The following IFI44L variants were observed in gnomAD, a reference collection of about 807,000 sequenced individuals.
IFI44L encodes interferon induced protein 44 like.
IFI44L carries 40 observed loss-of-function variants against 39.3 expected under a neutral mutation model. The ratio of observed to expected loss-of-function variants is 1.02; its 90% CI spans 0.79 to 1.33. IFI44L has a LOEUF of 1.33. Among genes scored for constraint, IFI44L ranks in the 40% most tolerant of loss-of-function variants. The pLI, the probability that IFI44L is intolerant of heterozygous loss-of-function variation, is 0.00. For missense variants in IFI44L, 623 were observed against 549.0 expected (o/e 1.13, Z -1.35); for synonymous variants, 198 against 182.3 (o/e 1.09, Z -0.69).
intron 6 of IFI44L, among the ~76,000 whole-genome samples, chr1:78,639,373 T>C (rs1004824844): frequency 6.6e-6 from 1 of 152,138 alleles, no homozygotes; most frequent in African/African-American, 2.4e-5. Flanking sequence ...CTGTGGTGTT[T>C]GACTGGGGTA....
intron 4 of IFI44L, among the ~76,000 whole-genome samples, chr1:78,632,041 A>T (rs1652767813): frequency 6.6e-6 from 1 of 152,142 alleles, no homozygotes; most frequent in Non-Finnish European, 1.5e-5. Flanking sequence ...ATAAAATGGG[A>T]AGTGCTCATA....
Position 78,644,432 on chromosome 1 carries a change from C to A in IFI44L, c.*2623C>A, listed in dbSNP as rs1028283469. On this transcript the variant is annotated 3_prime_UTR_variant, in exon 9 of 9. Coordinates refer to ENST00000370751, the MANE Select transcript of IFI44L (RefSeq NM_006820.4). ...TATTGGCAAAATGATACCACAACTT[C>A]TTATTCTCTGGCTCTATATTGCTTT... is the stretch of plus-strand genomic sequence containing the variant. The A allele has an allele frequency of 1.3e-5, 2 of 152,134 alleles. No individual in the cohort carries two copies. Among genetic ancestry groups the A allele is most frequent in the Non-Finnish European group, 2.9e-5 (2 of 68,028 alleles). The allele number at this position is 152,134 out of a possible 1,614,324, so 9.4% of individuals were successfully genotyped here.
At chr1:78,638,145 C>T (rs1557689313) in intron 6 of IFI44L, among the ~76,000 whole-genome samples, 1 of 152,102 alleles carries the variant, frequency 6.6e-6, no homozygotes, top group Non-Finnish European at 1.5e-5. Flanking sequence ...TAGATGTATG[C>T]TGATATTTCA....
intron 4 of IFI44L, among the ~76,000 whole-genome samples, chr1:78,634,185 C>A (rs1046088288): frequency 6.6e-6 from 1 of 151,712 alleles, no homozygotes; most frequent in African/African-American, 2.4e-5. Context: ...ACTTTTAAAA[C>A]CTGGAGGATG....
rs1646974452 is a variant in IFI44L at position 78,640,812 on chromosome 1, T to C, written c.1049-209T>C. 2.0e-5 allele frequency among the ~76,000 whole-genome samples: 3 copies of C among 152,130 alleles called. No individual in the cohort carries two copies. The South Asian group carries it at 6.2e-4, about 31-fold the overall frequency. ...GCAATTTAGTGTGGATTTAGTTGCA[T>C]TGAAAAATGCTGTCACATGTTGGAA... On this transcript the variant is annotated intron_variant, in intron 6 of 8. Coordinates refer to ENST00000370751, the MANE Select transcript of IFI44L (RefSeq NM_006820.4).
At chr1:78,637,970 T>C (rs1653014994) in intron 6 of IFI44L, among the ~76,000 whole-genome samples, 1 of 152,094 alleles carries the variant, frequency 6.6e-6, no homozygotes, top group South Asian at 2.1e-4. Context: ...TAATGCTGGA[T>C]CATAAAGTAA....
rs1218171529 is a variant in IFI44L, at chr1:78,642,055, A to G, written c.*246A>G. ...ATTCAGTTTCTGTGACATCTTTTTA[A>G]ACCACTGGAGGAAAAATGAGATATT... On this transcript the variant is annotated 3_prime_UTR_variant, in exon 9 of 9. Transcript: ENST00000370751. The G allele has an allele frequency of 1.7e-6, 1 of 583,334 alleles. No homozygotes were observed. Among genetic ancestry groups the G allele is most frequent in the African/African-American group, 1.9e-5 (1 of 53,360 alleles). 36.1% of individuals were successfully genotyped at this position (583,334 alleles called of 1,614,324 possible).
chr1:78,629,934 G>T lies in IFI44L; in HGVS notation c.723+19G>T. 6.3e-7 allele frequency: 1 copy of T among 1,598,200 alleles called. No homozygotes were observed. Among genetic ancestry groups the T allele is most frequent in the South Asian group, 1.1e-5 (1 of 90,106 alleles). On this transcript the variant is annotated intron_variant, in intron 4 of 8. Transcript: ENST00000370751. The stretch of plus-strand genomic sequence containing the variant: ...CGAGCGGGTAAGTTATTTCCCTGAG[G>T]ATTTTATTTTATAGATTACAATTAT...
Position 78,641,961 on chromosome 1 carries a change from A to T in IFI44L, c.*152A>T. 1 of 829,418 alleles carries T rather than the reference A, an allele frequency of 1.2e-6. No individual in the cohort carries two copies. Among genetic ancestry groups the T allele is most frequent in the Non-Finnish European group, 2.1e-6 (1 of 480,602 alleles). 51.4% of individuals were successfully genotyped at this position (829,418 alleles called of 1,614,324 possible). On this transcript the variant is annotated 3_prime_UTR_variant, in exon 9 of 9. Coordinates refer to ENST00000370751, the MANE Select transcript of IFI44L (RefSeq NM_006820.4). ...TCATATCTCAAGTTCAAAGGCCAAA[A>T]CCTGAGAAGCGGTGGGCTAAGATAG...
At chr1:78,637,352 A>G in intron 6 of IFI44L, 149 bp downstream of exon 6, 1 of 604,360 alleles carries the variant, frequency 1.7e-6, no homozygotes, top group Non-Finnish European at 2.8e-6. Context: ...ATTCACAGGC[A>G]TGACTGAAGA....
At chr1:78,633,153 C>T (rs1001713757) in intron 4 of IFI44L, among the ~76,000 whole-genome samples, 2 of 152,142 alleles carry the variant, frequency 1.3e-5, no homozygotes, top group African/African-American at 4.8e-5. Context: ...ATCTGCATCA[C>T]CCCCCTCAAC....
intron 6 of IFI44L, among the ~76,000 whole-genome samples, chr1:78,638,890 G>T (rs1557689670): frequency 6.6e-6 from 1 of 151,990 alleles, no homozygotes; most frequent in Non-Finnish European, 1.5e-5. Flanking sequence ...ATTTTTAATT[G>T]CATCTTCGAT....
intron 1 of IFI44L, among the ~76,000 whole-genome samples, chr1:78,624,374 T>C (rs999156202): frequency 1.3e-5 from 2 of 152,218 alleles, no homozygotes; most frequent in Non-Finnish European, 2.9e-5. Flanking sequence ...AATTCTCACA[T>C]CCTTGTTAAT....
intron 1 of IFI44L, 183 bp from the exon 2 acceptor site, chr1:78,627,723 T>C (rs1366983081): frequency 2.7e-6 from 1 of 370,172 alleles, no homozygotes; most frequent in Non-Finnish European, 4.8e-6. Context: ...TTCTAAATTA[T>C]ATATTTTTAT....
chr1:78,636,406 C>T (rs1319645355), intron 5 of IFI44L, among the ~76,000 whole-genome samples: 2 of 152,000 alleles, frequency 1.3e-5, no homozygotes, highest in Admixed American at 6.6e-5. Flanking sequence ...CAGCAGGGAG[C>T]CAGTCAATTC....
chr1:78,631,158 A>C (rs1425298081), intron 4 of IFI44L, among the ~76,000 whole-genome samples: 1 of 152,146 alleles, frequency 6.6e-6, no homozygotes, highest in Non-Finnish European at 1.5e-5. Flanking sequence ...AAATTGAAGA[A>C]ATATAGGGCA....
intron 5 of IFI44L, chr1:78,635,785 CACTT>C (rs1570363307): frequency 6.0e-6 from 2 of 331,050 alleles, no homozygotes; most frequent in African/African-American, 4.4e-5. Flanking sequence ...TAATGATAGT[CACTT>C]AATCCCTTGC....
intron 1 of IFI44L, among the ~76,000 whole-genome samples, chr1:78,625,107 A>T (rs1652437065): frequency 6.6e-6 from 1 of 150,554 alleles, no homozygotes; most frequent in African/African-American, 2.4e-5. Flanking sequence ...TTTGCTGAGG[A>T]TCATTCCATC....
rs371180489 is a variant in IFI44L at position 78,641,858 on chromosome 1, C to T, written c.*49C>T. On this transcript the variant is annotated 3_prime_UTR_variant, in exon 9 of 9. Coordinates refer to ENST00000370751, the MANE Select transcript of IFI44L (RefSeq NM_006820.4). ...TTTGGCCCAGCCTGTACTGGTGTGC[C>T]GCAATGAGAGTCAATCTCTATTGAC... 3.2e-5 allele frequency: 50 copies of T among 1,578,958 alleles called. No homozygotes were observed. The highest frequency in any genetic ancestry group is 1.2e-4 in the Admixed American group (7 of 59,910).
Sources: allele counts gnomAD v4.1 joint callset (sites outside exome capture counted in the v4.1 genomes callset), GRCh38; gene constraint gnomAD v4.1.1; transcripts MANE v1.5; gene names NCBI Gene and HGNC (gene_info 2026-07-23, HGNC 2026-07-21).